MYO1D: variants seen among roughly 807,000 people sequenced by gnomAD.
MYO1D encodes the protein myosin ID.
Under a neutral mutation model 122.0 loss-of-function variants are expected in MYO1D, and 83 were observed. The ratio of observed to expected loss-of-function variants is 0.68; its 90% CI spans 0.57 to 0.82. The LOEUF (loss-of-function observed/expected upper bound fraction) is 0.82. Ranked by LOEUF, MYO1D falls within the 40% of genes least tolerant of loss-of-function variation. MYO1D has a pLI of 0.00. For synonymous variants in MYO1D, 464 were observed against 446.9 expected (o/e 1.04, Z -0.48); for missense variants, 1,157 against 1,269.5 (o/e 0.91, Z 1.35).
chr17:32,532,273 ACTTCTACAC>A (rs1348739007), intron 21 of MYO1D, among the ~76,000 whole-genome samples: 1 of 152,212 alleles, frequency 6.6e-6, no homozygotes, highest in African/African-American at 2.4e-5. Context: ...TTTCTTTTGA[ACTTCTACAC>A]AAGTTTATAT....
intron 13 of MYO1D, 38 bp downstream of exon 13, chr17:32,745,173 G>A (rs757164242): frequency 1.2e-5 from 14 of 1,147,638 alleles, no homozygotes; most frequent in Non-Finnish European, 1.5e-5. Context: ...ATGTCAATGA[G>A]CTTAATCTAG....
intron 21 of MYO1D, among the ~76,000 whole-genome samples, chr17:32,579,950 T>C (rs1243256537): frequency 6.6e-6 from 1 of 152,230 alleles, no homozygotes; most frequent in East Asian, 1.9e-4. Context: ...ATGTGAACAT[T>C]TGTGTATGTC....
rs138708789 is a variant in MYO1D at position 32,655,977 on chromosome 17, G to C, written c.2346-1356C>G. 6.7e-3 allele frequency among the ~76,000 whole-genome samples: 1,020 copies of C among 152,294 alleles called. 12 individuals are homozygous for C. The highest frequency in any genetic ancestry group is 6.8e-3 in the Middle Eastern group (2 of 294). On this transcript the variant is annotated intron_variant, in intron 17 of 21. Coordinates refer to ENST00000318217, the MANE Select transcript of MYO1D (RefSeq NM_015194.3). ...CAATGGATTAGATGTGGGGGCCAGA[G>C]AGGATTTAAGGATGACTCCAAAATT... is the stretch of plus-strand genomic sequence containing the variant.
chr17:32,552,933 A>C (rs1158753500), intron 21 of MYO1D, among the ~76,000 whole-genome samples: 1 of 152,122 alleles, frequency 6.6e-6, no homozygotes, highest in Non-Finnish European at 1.5e-5. Context: ...ACCAAAACAC[A>C]GGCCTTTAAA....
intron 13 of MYO1D, 86 bp downstream of exon 13, chr17:32,745,125 A>C (rs1353551811): frequency 1.3e-6 from 1 of 761,536 alleles, no homozygotes. Context: ...GAAACTCTTA[A>C]AATTGCATAT....
intron 21 of MYO1D, among the ~76,000 whole-genome samples, chr17:32,547,858 G>A (rs1439307652): frequency 1.3e-5 from 2 of 152,082 alleles, no homozygotes; most frequent in Non-Finnish European, 2.9e-5. Flanking sequence ...GCTGAGGTGG[G>A]AGAATCACTT....
chr17:32,742,782 T>C (rs1381401886), intron 13 of MYO1D, among the ~76,000 whole-genome samples: 2 of 152,256 alleles, frequency 1.3e-5, no homozygotes, highest in African/African-American at 2.4e-5. Flanking sequence ...TCATTAATCT[T>C]GGTGGCTTCA....
intron 21 of MYO1D, among the ~76,000 whole-genome samples, chr17:32,596,861 T>A (rs2087498493): frequency 6.6e-6 from 1 of 152,218 alleles, no homozygotes; most frequent in Admixed American, 6.5e-5. Flanking sequence ...GCAGCCAACG[T>A]GAGACCATCT....
chr17:32,602,034 G>T (rs1478116989), intron 21 of MYO1D, among the ~76,000 whole-genome samples: 2 of 152,178 alleles, frequency 1.3e-5, no homozygotes, highest in Non-Finnish European at 2.9e-5. Context: ...TCATGGTGAT[G>T]AGGAAAAATT....
At chr17:32,557,752 A>T (rs1286483869) in intron 21 of MYO1D, among the ~76,000 whole-genome samples, 2 of 152,038 alleles carry the variant, frequency 1.3e-5, no homozygotes, top group Admixed American at 1.3e-4. Flanking sequence ...TCAGCTTTGC[A>T]GGTCATACAG....
chr17:32,726,276 T>C (rs2089571426), intron 14 of MYO1D, among the ~76,000 whole-genome samples: 1 of 151,806 alleles, frequency 6.6e-6, no homozygotes, highest in Admixed American at 6.6e-5. Context: ...AAAAATTAAC[T>C]GGGTGTGGTG....
rs183388101 is a variant in MYO1D, at chr17:32,815,979, G to A, written c.96-35195C>T. Among the ~76,000 whole-genome samples, 48 of 152,292 alleles carry A rather than the reference G, an allele frequency of 3.2e-4. 1 individual carries two copies. Among genetic ancestry groups the A allele is most frequent in the Middle Eastern group, 6.8e-3 (2 of 294 alleles). ...GCTTATAAACAAATCCTTTATCCAT[G>A]GTAACCTAGTAGCAACTAACTGATC... On this transcript the variant is annotated intron_variant, in intron 1 of 21. Coordinates refer to ENST00000318217, the MANE Select transcript of MYO1D (RefSeq NM_015194.3).
At chr17:32,844,350 T>TA (rs1598149426) in intron 1 of MYO1D, among the ~76,000 whole-genome samples, 1 of 147,028 alleles carries the variant, frequency 6.8e-6, no homozygotes, top group East Asian at 1.9e-4. Context: ...ATATATTATA[T>TA]GTGTATATAT....
intron 14 of MYO1D, among the ~76,000 whole-genome samples, chr17:32,734,549 A>G (rs1344783382): frequency 5.3e-5 from 8 of 152,094 alleles, no homozygotes; most frequent in Admixed American, 5.2e-4. Context: ...TTGTTATTTT[A>G]CAAAGGCAAC....
At chr17:32,646,588 G>T (rs2150945514) in intron 19 of MYO1D, among the ~76,000 whole-genome samples, 1 of 152,198 alleles carries the variant, frequency 6.6e-6, no homozygotes, top group South Asian at 2.1e-4. Context: ...AATTTCATAA[G>T]GTCATTCCAG....
intron 21 of MYO1D, among the ~76,000 whole-genome samples, chr17:32,538,309 C>A (rs1297775358): frequency 6.7e-6 from 1 of 148,224 alleles, no homozygotes; most frequent in African/African-American, 2.5e-5. Context: ...GAGACAGGGT[C>A]TAGCTCTGTT....
At chr17:32,876,720 C>G in intron 1 of MYO1D, 58 bp downstream of exon 1, 2 of 1,395,212 alleles carry the variant, frequency 1.4e-6, no homozygotes, top group South Asian at 2.7e-5. Flanking sequence ...CGCCCCGAGG[C>G]GCCCCCTCTC....
At chr17:32,620,239 T>C (rs1264855339) in intron 20 of MYO1D, among the ~76,000 whole-genome samples, 1 of 152,110 alleles carries the variant, frequency 6.6e-6, no homozygotes, top group East Asian at 1.9e-4. Context: ...CTGAGCCTCC[T>C]TGACACCAGC....
chr17:32,631,197 G>T (rs548961047), intron 20 of MYO1D, among the ~76,000 whole-genome samples: 43 of 152,294 alleles, frequency 2.8e-4, no homozygotes, highest in Admixed American at 2.7e-3. Flanking sequence ...GAAAAAAACA[G>T]GGTAGGGGTA....
Sources: gnomAD v4.1 joint callset for allele counts (sites outside exome capture counted in the v4.1 genomes callset) on GRCh38, gnomAD v4.1.1 for gene constraint, MANE v1.5 for transcripts, NCBI Gene and HGNC (gene_info 2026-07-23, HGNC 2026-07-21) for gene names.